Variants in AFAP1 observed in about 807,000 individuals in gnomAD.
AFAP1 encodes actin filament associated protein 1.
In AFAP1, 75 loss-of-function variants were observed where a neutral mutation model predicts 93.9. That is an observed-to-expected ratio of 0.80 (90% confidence interval 0.66 to 0.97). AFAP1 has a LOEUF of 0.97. AFAP1 is among the 50% of genes least tolerant of loss of function. The probability of loss-of-function intolerance (pLI) is 0.00; values close to 1 mark genes in which losing one functional copy is unlikely to be tolerated. For missense variants in AFAP1, 1,201 were observed against 1,050.8 expected (o/e 1.14, Z -1.98); for synonymous variants, 517 against 430.7 (o/e 1.20, Z -2.48).
At chr4:7,922,511 G>A (rs916956381) in intron 1 of AFAP1, among the ~76,000 whole-genome samples, 11 of 152,280 alleles carry the variant, frequency 7.2e-5, no homozygotes, top group African/African-American at 2.4e-4. Flanking sequence ...ATGAAGAGAC[G>A]AGAAAGTATA....
intron 15 of AFAP1, 76 bp downstream of exon 15, chr4:7,774,663 T>C (rs1577188015): frequency 2.6e-6 from 4 of 1,547,956 alleles, no homozygotes; most frequent in Admixed American, 2.0e-5. Flanking sequence ...CAATAGGTCC[T>C]TTGGGCAAAG....
chr4:7,884,015 G>A (rs1321199464), intron 1 of AFAP1, among the ~76,000 whole-genome samples: 1 of 152,150 alleles, frequency 6.6e-6, no homozygotes, highest in Non-Finnish European at 1.5e-5. Context: ...GGGAGGTGTT[G>A]GGTCACGGGG....
chr4:7,763,837 G>C (rs1051076610), intron 17 of AFAP1, 46 bp from the exon 18 acceptor site: 1 of 1,548,872 alleles, frequency 6.5e-7, no homozygotes, highest in East Asian at 2.4e-5. Context: ...AAGAGGATCA[G>C]GCTGGGACAA....
intron 13 of AFAP1, 91 bp downstream of exon 13, chr4:7,781,285 G>C: frequency 6.9e-7 from 1 of 1,439,080 alleles, no homozygotes; most frequent in Non-Finnish European, 9.3e-7. Flanking sequence ...CTTTGCCTTT[G>C]ATGAGTCCCA....
At chr4:7,938,619 T>G (rs1327578486) in intron 1 of AFAP1, among the ~76,000 whole-genome samples, 1 of 152,114 alleles carries the variant, frequency 6.6e-6, no homozygotes, top group Non-Finnish European at 1.5e-5. Context: ...TTGGCCTCAT[T>G]CCGTGGGTGT....
chr4:7,825,721 AAAT>A (rs1265627441), intron 6 of AFAP1, among the ~76,000 whole-genome samples: 1 of 152,184 alleles, frequency 6.6e-6, no homozygotes, highest in Non-Finnish European at 1.5e-5. Context: ...AGTAGAAGCA[AAAT>A]AATAAAGAAA....
intron 8 of AFAP1, among the ~76,000 whole-genome samples, chr4:7,813,913 C>T (rs778902397): frequency 2.0e-5 from 3 of 152,082 alleles, no homozygotes; most frequent in Non-Finnish European, 2.9e-5. Flanking sequence ...ACACTTGGCT[C>T]CCTCCAGGAG....
Position 7,760,357 on chromosome 4 carries a change from C to T in AFAP1, c.*3408G>A, listed in dbSNP as rs992928882. The stretch of plus-strand genomic sequence containing the variant: ...ACAGAGGGGCGAGATGGGACTGACC[C>T]AGCTGGTAAGCCGCCGCCCGCCAGC... On this transcript the variant is annotated 3_prime_UTR_variant, in exon 18 of 18. Coordinates refer to ENST00000420658, the MANE Select transcript of AFAP1 (RefSeq NM_001134647.2). The T allele has an allele frequency of 3.3e-5, 5 of 152,454 alleles. No homozygotes were observed. The highest frequency in any genetic ancestry group is 6.5e-5 in the Admixed American group (1 of 15,286). The allele number at this position is 152,454 out of a possible 1,614,324, so 9.4% of individuals were successfully genotyped here.
intron 8 of AFAP1, among the ~76,000 whole-genome samples, chr4:7,813,763 C>T (rs1309189600): frequency 1.3e-5 from 2 of 152,120 alleles, no homozygotes; most frequent in Admixed American, 1.3e-4. Context: ...CTTAGAAAAC[C>T]ACATATGAAA....
At chr4:7,911,195 G>T (rs1004723574) in intron 1 of AFAP1, among the ~76,000 whole-genome samples, 1 of 152,182 alleles carries the variant, frequency 6.6e-6, no homozygotes, top group Admixed American at 6.5e-5. Flanking sequence ...AGGCTGACTA[G>T]CGAGCCAGGA....
chr4:7,858,152 T>C (rs1233391461), intron 3 of AFAP1, among the ~76,000 whole-genome samples: 2 of 152,208 alleles, frequency 1.3e-5, no homozygotes, highest in Non-Finnish European at 2.9e-5. Context: ...CTCTACGAGA[T>C]ACTGCTGCAT....
intron 1 of AFAP1, among the ~76,000 whole-genome samples, chr4:7,874,195 G>A (rs1488101469): frequency 6.6e-6 from 1 of 152,172 alleles, no homozygotes; most frequent in Non-Finnish European, 1.5e-5. Context: ...TAATGTAACA[G>A]AGGATGGCAC....
intron 1 of AFAP1, among the ~76,000 whole-genome samples, chr4:7,891,317 G>C (rs1718457455): frequency 6.6e-6 from 1 of 152,220 alleles, no homozygotes; most frequent in African/African-American, 2.4e-5. Context: ...TCAGGGTGGA[G>C]AATGTTCTCC....
chr4:7,869,435 T>C (rs1302610783), intron 2 of AFAP1, among the ~76,000 whole-genome samples: 3 of 152,144 alleles, frequency 2.0e-5, no homozygotes, highest in Non-Finnish European at 4.4e-5. Context: ...AATCAATAAA[T>C]TTTTATTAAG....
At chr4:7,895,949 C>T (rs1174605117) in intron 1 of AFAP1, among the ~76,000 whole-genome samples, 1 of 150,182 alleles carries the variant, frequency 6.7e-6, no homozygotes, top group African/African-American at 2.4e-5. Flanking sequence ...ACCTCTGTGC[C>T]TCCCACGTTG....
chr4:7,931,192 C>T (rs1721043361), intron 1 of AFAP1, among the ~76,000 whole-genome samples: 1 of 152,126 alleles, frequency 6.6e-6, no homozygotes, highest in African/African-American at 2.4e-5. Context: ...TGAGCTAAAA[C>T]ATAAACGCAG....
In AFAP1 at chr4:7,872,041, T is replaced by G. The variant is rs572083790; in HGVS notation, c.38A>C (p.Glu13Ala). 2.5e-6 allele frequency: 4 copies of G among 1,614,058 alleles called. No homozygotes were observed. The African/African-American group carries it at 4.0e-5, about 16-fold the overall frequency. ...ELIVELRLFLELLDHEYLTST... is the reference protein window; with the variant it reads ...ELIVELRLFLALLDHEYLTST... ...GGTTAGATATTCATGGTCCAGGAGT[T>G]CAAGAAAGAGACGAAGTTCAACTAT... Residue 13 changes from glutamate (E) to alanine (A), a missense_variant, in exon 2 of 18, where the codon GAA (glutamate) becomes GCA (alanine). Transcript: ENST00000420658.
At chr4:7,785,995 T>G (rs1717219302) in intron 12 of AFAP1, among the ~76,000 whole-genome samples, 199 bp downstream of exon 12, 1 of 152,168 alleles carries the variant, frequency 6.6e-6, no homozygotes, top group South Asian at 2.1e-4. Flanking sequence ...AGCCTCAAAC[T>G]ATCCACTTGT....
intron 10 of AFAP1, among the ~76,000 whole-genome samples, chr4:7,795,734 T>C (rs1463946011): frequency 2.6e-5 from 4 of 152,180 alleles, no homozygotes; most frequent in African/African-American, 9.7e-5. Flanking sequence ...ATTGAGAATG[T>C]ATCCATGATT....
Sources: allele counts gnomAD v4.1 joint callset (sites outside exome capture counted in the v4.1 genomes callset), GRCh38; gene constraint gnomAD v4.1.1; transcripts MANE v1.5; gene names NCBI Gene and HGNC (gene_info 2026-07-23, HGNC 2026-07-21).